Variants in SYNE2 observed in about 807,000 individuals in gnomAD.
SYNE2 encodes spectrin repeat containing nuclear envelope protein 2, also known as nesprin-2.
A neutral mutation model predicts 856.3 loss-of-function variants in SYNE2; 431 were observed. The observed-to-expected ratio is 0.50, with a 90% CI of 0.47 to 0.55. SYNE2 has a LOEUF of 0.55. Among genes scored for constraint, SYNE2 ranks in the 20% least tolerant of loss-of-function variants. The pLI, the probability that SYNE2 is intolerant of heterozygous loss-of-function variation, is 0.00. For synonymous variants in SYNE2, 2,923 were observed against 2,872.3 expected, an observed-to-expected ratio of 1.02 and a Z score of -0.56; for missense variants, 8,129 against 8,023.2, an observed-to-expected ratio of 1.01 and a Z score of -0.50.
intron 96 of SYNE2, among the ~76,000 whole-genome samples, chr14:64,178,880 G>A (rs1278536814): frequency 6.6e-6 from 1 of 152,134 alleles, no homozygotes; most frequent in East Asian, 1.9e-4. Flanking sequence ...AAAGTAGCCT[G>A]AGCAACAAAG....
Position 64,224,181 on chromosome 14 carries a change from C to CAAAAAAAAA in SYNE2, c.20383-267_20383-259dup, listed in dbSNP as rs35804232. 7.6e-3 allele frequency among the ~76,000 whole-genome samples: 566 copies of CAAAAAAAAA among 74,684 alleles called. 37 individuals carry two copies. Among genetic ancestry groups the CAAAAAAAAA allele is most frequent in the African/African-American group, 0.021 (382 of 18,168 alleles). 49.0% of individuals were successfully genotyped at this position (74,684 alleles called of 152,430 possible). A position where few individuals can be genotyped will look rare whatever the true frequency, so the allele number is the denominator to read the frequency against. On this transcript the variant is annotated intron_variant, in intron 113 of 115. Coordinates refer to ENST00000555002, the MANE Select transcript of SYNE2 (RefSeq NM_182914.3). ...GCAACATGGTGAAATCCCGTCTCTG[C>CAAAAAAAAA]AAAAAAAAAAAAAAAAAAAAATACA...
At chr14:63,954,345 G>A (rs1396815915) in intron 7 of SYNE2, among the ~76,000 whole-genome samples, 1 of 152,126 alleles carries the variant, frequency 6.6e-6, no homozygotes, top group East Asian at 1.9e-4. Flanking sequence ...TGGTAATGAA[G>A]GGCATCAATC....
In SYNE2 at chr14:64,051,881, A is replaced by G. The variant is rs1240240612; in HGVS notation, c.7968A>G (p.Pro2656=). ...QQHLQLRLKS[P]EERAGNQSMI... Reference sequence around the variant, plus strand: ...ATCTACAGTTAAGGCTGAAGTCTCCAGAAGAACGGGCAGGGAACCAAAGCA... The same window carrying G: ...ATCTACAGTTAAGGCTGAAGTCTCCGGAAGAACGGGCAGGGAACCAAAGCA... Residue 2656 remains proline, a synonymous_variant, in exon 48 of 116, where the codon CCA becomes CCG. Transcript: ENST00000555002. 6.2e-7 allele frequency: 1 copy of G among 1,614,004 alleles called. No individual in the cohort carries two copies. Among genetic ancestry groups the G allele is most frequent in the Admixed American group, 1.7e-5 (1 of 60,030 alleles).
intron 45 of SYNE2, among the ~76,000 whole-genome samples, chr14:64,045,730 A>T (rs2097181426): frequency 6.6e-6 from 1 of 152,268 alleles, no homozygotes. Context: ...GACTTGTGCT[A>T]AATGCCAATT....
intron 65 of SYNE2, among the ~76,000 whole-genome samples, chr14:64,109,639 G>A: frequency 6.6e-6 from 1 of 152,118 alleles, no homozygotes; most frequent in Non-Finnish European, 1.5e-5. Flanking sequence ...GGAATTCTTG[G>A]AGCAGGAAAA....
chr14:64,097,645 C>T (rs778109214), intron 61 of SYNE2, among the ~76,000 whole-genome samples: 10 of 152,242 alleles, frequency 6.6e-5, no homozygotes, highest in Admixed American at 2.6e-4. Flanking sequence ...CAACCCTGGC[C>T]GCACACCACA....
chr14:63,910,150 C>G (rs1466075575), intron 2 of SYNE2, among the ~76,000 whole-genome samples: 1 of 152,108 alleles, frequency 6.6e-6, no homozygotes, highest in East Asian at 1.9e-4. Context: ...TTTAAAGTAA[C>G]TTTAAGATTA....
intron 8 of SYNE2, among the ~76,000 whole-genome samples, 186 bp downstream of exon 8, chr14:63,955,101 T>C (rs533643459): frequency 1.3e-5 from 2 of 152,328 alleles, no homozygotes; most frequent in Admixed American, 6.5e-5. Flanking sequence ...TCAGTAATTA[T>C]AGGGGAAGCC....
intron 1 of SYNE2, among the ~76,000 whole-genome samples, chr14:63,879,665 C>T (rs2094813179): frequency 6.6e-6 from 1 of 152,236 alleles, no homozygotes; most frequent in Non-Finnish European, 1.5e-5. Flanking sequence ...TCACTTGCCC[C>T]AGCCTGAGAC....
intron 1 of SYNE2, among the ~76,000 whole-genome samples, chr14:63,776,286 T>C (rs894707502): frequency 6.6e-6 from 1 of 152,212 alleles, no homozygotes; most frequent in Non-Finnish European, 1.5e-5. Flanking sequence ...CTTTGGACTA[T>C]TGAGAGGGTC....
intron 57 of SYNE2, among the ~76,000 whole-genome samples, chr14:64,083,986 G>A (rs973167409): frequency 6.7e-6 from 1 of 150,146 alleles, no homozygotes; most frequent in African/African-American, 2.5e-5. Context: ...GTGCAATGGT[G>A]CGATCTTGGC....
At chr14:64,033,709 T>TA (rs1406023096) in intron 45 of SYNE2, among the ~76,000 whole-genome samples, 1 of 151,996 alleles carries the variant, frequency 6.6e-6, no homozygotes, top group Non-Finnish European at 1.5e-5. Flanking sequence ...AAAAAAGGTT[T>TA]AAAAAATTTA....
At chr14:64,101,815 C>G in intron 63 of SYNE2, 117 bp from the exon 64 acceptor site, 1 of 742,362 alleles carries the variant, frequency 1.3e-6, no homozygotes, top group Non-Finnish European at 2.4e-6. Context: ...CAATAAAGGG[C>G]TGTGGTTACA....
chr14:63,910,153 T>A (rs772420910), intron 2 of SYNE2, among the ~76,000 whole-genome samples: 4 of 152,236 alleles, frequency 2.6e-5, no homozygotes, highest in Non-Finnish European at 5.9e-5. Context: ...AAAGTAACTT[T>A]AAGATTATGG....
At chr14:63,951,877 C>T (rs1302478892) in intron 7 of SYNE2, among the ~76,000 whole-genome samples, 1 of 152,210 alleles carries the variant, frequency 6.6e-6, no homozygotes, top group Non-Finnish European at 1.5e-5. Flanking sequence ...ATCTTTTCTT[C>T]ACGTCTCCCC....
Position 63,958,671 on chromosome 14 carries a change from G to A in SYNE2, c.788-2854G>A, listed in dbSNP as rs144507785. On this transcript the variant is annotated intron_variant, in intron 8 of 115. Coordinates refer to ENST00000555002, the MANE Select transcript of SYNE2 (RefSeq NM_182914.3). ...CTGTGCTCTTTGGAGGGAAATCACT[G>A]CATAGCCCACACTTGGGAGAGTTAA... Among the ~76,000 whole-genome samples the A allele has an allele frequency of 6.0e-3, 910 of 152,220 alleles. 4 individuals carry two copies. The highest frequency in any genetic ancestry group is 9.3e-3 in the Non-Finnish European group (632 of 68,008).
intron 1 of SYNE2, among the ~76,000 whole-genome samples, chr14:63,807,819 T>TTATATATATA (rs71120288): frequency 0.013 from 323 of 25,432 alleles, 20 homozygotes; most frequent in East Asian, 0.021. Flanking sequence ...TACTCCAGGC[T>TTATATATATA]TATATATATA....
intron 1 of SYNE2, among the ~76,000 whole-genome samples, chr14:63,763,611 A>G (rs2139685392): frequency 6.6e-6 from 1 of 152,184 alleles, no homozygotes; most frequent in South Asian, 2.1e-4. Context: ...GCACTTTGGG[A>G]GGCTGAGGCG....
intron 52 of SYNE2, among the ~76,000 whole-genome samples, chr14:64,073,467 C>G (rs1437188682): frequency 6.6e-6 from 1 of 152,182 alleles, no homozygotes; most frequent in Non-Finnish European, 1.5e-5. Context: ...CAGCAGAGAT[C>G]AAGTATATAT....
Sources: allele counts gnomAD v4.1 joint callset (sites outside exome capture counted in the v4.1 genomes callset), GRCh38; gene constraint gnomAD v4.1.1; transcripts MANE v1.5; gene names NCBI Gene and HGNC (gene_info 2026-07-23, HGNC 2026-07-21).